Variants in NOX4 observed in about 807,000 individuals in gnomAD.
NOX4 encodes the protein kidney oxidase-1.
In NOX4, 69 loss-of-function variants were observed where a neutral mutation model predicts 87.6. The observed-to-expected ratio is 0.79, with a 90% CI of 0.65 to 0.96. NOX4 has a LOEUF of 0.96. NOX4 is among the 40% of genes least tolerant of loss of function. NOX4 has a pLI of 0.00. For missense variants in NOX4, 680 were observed against 681.5 expected (o/e 1.00, Z 0.02); for synonymous variants, 275 against 238.2 (o/e 1.15, Z -1.42).
chr11:89,465,827 T>TTG (rs1945669327), intron 2 of NOX4, among the ~76,000 whole-genome samples: 1 of 149,686 alleles, frequency 6.7e-6, no homozygotes, highest in African/African-American at 2.6e-5. Context: ...TGATGGGGTT[T>TTG]TTTTTTTCTT....
chr11:89,449,073 C>T (rs1944834823), intron 4 of NOX4, among the ~76,000 whole-genome samples: 1 of 152,022 alleles, frequency 6.6e-6, no homozygotes, highest in Admixed American at 6.6e-5. Context: ...CAAGACACAT[C>T]CATTTTCTGT....
intron 2 of NOX4, among the ~76,000 whole-genome samples, chr11:89,456,260 C>A (rs73535444): frequency 0.044 from 6,664 of 151,724 alleles, 441 homozygotes; most frequent in African/African-American, 0.15. Context: ...AAAAAGAAGT[C>A]TTGTGTGAAT....
chr11:89,457,274 G>A (rs1044280391), intron 2 of NOX4, among the ~76,000 whole-genome samples: 4 of 152,174 alleles, frequency 2.6e-5, no homozygotes, highest in Non-Finnish European at 5.9e-5. Context: ...GCTGATGCAG[G>A]AGTGCCCTGT....
At chr11:89,414,403 T>C (rs895945294) in intron 8 of NOX4, among the ~76,000 whole-genome samples, 4 of 151,906 alleles carry the variant, frequency 2.6e-5, no homozygotes, top group African/African-American at 4.8e-5. Context: ...GTGGACTTAA[T>C]TGATTTTTCT....
At chr11:89,539,472 T>C in the NOX4 span, among the ~76,000 whole-genome samples, 1 of 152,058 alleles carries the variant, frequency 6.6e-6, no homozygotes, top group Non-Finnish European at 1.5e-5. Flanking sequence ...ACTGTTGTTG[T>C]TTAAGCCACC....
chr11:89,344,703 C>A (rs1946140458), intron 13 of NOX4, among the ~76,000 whole-genome samples: 1 of 152,136 alleles, frequency 6.6e-6, no homozygotes, highest in Non-Finnish European at 1.5e-5. Flanking sequence ...CACACAACAA[C>A]TTTCATAGGA....
At chr11:89,372,025 A>T (rs58469124) in intron 12 of NOX4, among the ~76,000 whole-genome samples, 2 of 151,770 alleles carry the variant, frequency 1.3e-5, no homozygotes, top group African/African-American at 4.8e-5. Context: ...TAACCTCCTT[A>T]TATAAACTAT....
At chr11:89,339,664 A>G (rs1359032393) in intron 15 of NOX4, among the ~76,000 whole-genome samples, 2 of 152,158 alleles carry the variant, frequency 1.3e-5, no homozygotes. Context: ...AAAGATGGCA[A>G]TCAAGGGTAA....
At chr11:89,333,561 C>T (rs936704116) in intron 17 of NOX4, among the ~76,000 whole-genome samples, 3 of 151,690 alleles carry the variant, frequency 2.0e-5, no homozygotes, top group Non-Finnish European at 3.0e-5. Flanking sequence ...AACCTAATGC[C>T]TACTGGTTTA....
intron 16 of NOX4, among the ~76,000 whole-genome samples, chr11:89,336,564 G>A (rs1945723969): frequency 6.6e-6 from 1 of 151,936 alleles, no homozygotes; most frequent in Non-Finnish European, 1.5e-5. Flanking sequence ...GCAATTAACA[G>A]AGCATTAGAT....
the NOX4 span, among the ~76,000 whole-genome samples, chr11:89,510,076 T>C: frequency 6.6e-6 from 1 of 152,012 alleles, no homozygotes; most frequent in African/African-American, 2.4e-5. Context: ...AGTTAGATAT[T>C]GGTTGTATTA....
chr11:89,381,449 C>A (rs1399128403), intron 11 of NOX4, among the ~76,000 whole-genome samples: 2 of 152,082 alleles, frequency 1.3e-5, no homozygotes, highest in Admixed American at 6.5e-5. Flanking sequence ...AAAGCTCCCC[C>A]ACTGAGCACT....
chr11:89,534,811 G>A, the NOX4 span, among the ~76,000 whole-genome samples: 4 of 152,294 alleles, frequency 2.6e-5, no homozygotes, highest in East Asian at 1.9e-4. Context: ...CTTGGCTGTC[G>A]TACTGGATTC....
At chr11:89,516,960 A>T in the NOX4 span, among the ~76,000 whole-genome samples, 1 of 149,442 alleles carries the variant, frequency 6.7e-6, no homozygotes, top group African/African-American at 2.5e-5. Context: ...TGATGGCTGC[A>T]GTTTCCTCCT....
chr11:89,460,146 A>G (rs985190414), intron 2 of NOX4, among the ~76,000 whole-genome samples: 2 of 152,194 alleles, frequency 1.3e-5, no homozygotes, highest in African/African-American at 2.4e-5. Context: ...CTTACACCTT[A>G]TACAAAAATT....
chr11:89,532,743 A>G, the NOX4 span, among the ~76,000 whole-genome samples: 2 of 152,184 alleles, frequency 1.3e-5, no homozygotes, highest in African/African-American at 4.8e-5. Flanking sequence ...CCCAAATCTC[A>G]TCTTGAATAG....
chr11:89,561,523 A>G, the NOX4 span, among the ~76,000 whole-genome samples: 3 of 152,180 alleles, frequency 2.0e-5, no homozygotes, highest in Admixed American at 6.6e-5. Flanking sequence ...TAGTACTAAA[A>G]TGACAGTGAT....
the NOX4 span, among the ~76,000 whole-genome samples, chr11:89,518,404 A>T: frequency 1.3e-4 from 19 of 146,472 alleles, no homozygotes; most frequent in South Asian, 2.1e-4. Flanking sequence ...ACTTGCTTAT[A>T]AAAAAAAACA....
At position 89,427,443 on chromosome 11, in the gene NOX4, C is replaced by T. The variant is rs141452426; in HGVS notation, c.548+5341G>A. Among the ~76,000 whole-genome samples, 957 of 152,124 alleles carry T rather than the reference C, an allele frequency of 6.3e-3. 9 individuals are homozygous for T. Among genetic ancestry groups the T allele is most frequent in the African/African-American group, 0.022 (900 of 41,512 alleles). ...CTTCTCTGAGCTAAAGGAGGAAGTT[C>T]GAACCCATTGCAAAGAAGCTAAAAA... On this transcript the variant is annotated intron_variant, in intron 7 of 17. Transcript: ENST00000263317.
Sources: gnomAD v4.1 joint callset for allele counts (sites outside exome capture counted in the v4.1 genomes callset) on GRCh38, gnomAD v4.1.1 for gene constraint, MANE v1.5 for transcripts, NCBI Gene and HGNC (gene_info 2026-07-23, HGNC 2026-07-21) for gene names.